YIPF3: variants seen among roughly 807,000 people sequenced by gnomAD.
YIPF3 encodes Yip1 domain family member 3, also known as protein YIPF3.
In YIPF3, 18 loss-of-function variants were observed where a neutral mutation model predicts 40.3. The ratio of observed to expected loss-of-function variants is 0.45; its 90% CI spans 0.31 to 0.66. YIPF3 has a LOEUF of 0.66. Ranked by LOEUF, YIPF3 falls within the 30% of genes least tolerant of loss-of-function variation. The pLI, the probability that YIPF3 is intolerant of heterozygous loss-of-function variation, is 0.07. For synonymous variants in YIPF3, 190 were observed against 179.6 expected (o/e 1.06, Z -0.46); for missense variants, 406 against 452.2 (o/e 0.90, Z 0.93).
In YIPF3 at chr6:43,515,732, T is replaced by C. The variant is rs377187312; in HGVS notation, c.289-31A>G. 3.1e-6 allele frequency: 5 copies of C among 1,612,878 alleles called. No individual in the cohort carries two copies. In the African/African-American group the frequency reaches 4.0e-5, roughly 13 times the overall value. ...GTAAGGAAGATGGGCATAGGTATTG[T>C]GGTACTGTTGGTTCTAGATCCTGTT... On this transcript the variant is annotated intron_variant, in intron 2 of 8. Transcript: ENST00000372422.
chr6:43,512,908 C>G (rs370979769), intron 6 of YIPF3, 34 bp from the exon 7 acceptor site: 4 of 1,605,762 alleles, frequency 2.5e-6, no homozygotes, highest in Non-Finnish European at 3.4e-6. Context: ...GAAAATCATT[C>G]AGGTTGGGCT....
chr6:43,513,989 C>G (rs1003950965), intron 3 of YIPF3, among the ~76,000 whole-genome samples: 1 of 152,168 alleles, frequency 6.6e-6, no homozygotes, highest in African/African-American at 2.4e-5. Context: ...CGCCTGTAAT[C>G]CCAGCACTTT....
chr6:43,513,254 C>G (rs1792708333), intron 5 of YIPF3, 54 bp from the exon 6 acceptor site: 1 of 1,613,330 alleles, frequency 6.2e-7, no homozygotes, highest in Non-Finnish European at 8.5e-7. Context: ...TCAGCCTCAC[C>G]TAGGGCCTTC....
rs1415345323 is a variant in YIPF3 at position 43,515,332 on chromosome 6, AC to A, written c.395+262del. 1.1e-5 allele frequency: 6 copies of A among 562,996 alleles called. No individual in the cohort carries two copies. In the African/African-American group the frequency reaches 1.1e-4, roughly 10 times the overall value. The allele number at this position is 562,996 out of a possible 1,614,324, so 34.9% of individuals were successfully genotyped here. A position where few individuals can be genotyped will look rare whatever the true frequency, so the allele number is the denominator to read the frequency against. ...CTATAGGAACACCAGGAGAGAACAAACTGGGGATGGGATTGAGGAATGTGGA... is the reference window on the plus strand; with the variant it reads ...CTATAGGAACACCAGGAGAGAACAAATGGGGATGGGATTGAGGAATGTGGA... On this transcript the variant is annotated intron_variant, in intron 3 of 8. Coordinates refer to ENST00000372422, the MANE Select transcript of YIPF3 (RefSeq NM_015388.4).
chr6:43,516,799 A>G lies in YIPF3; in HGVS notation c.9T>C (p.Thr3=). 1.9e-6 allele frequency: 3 copies of G among 1,577,456 alleles called. No homozygotes were observed. Among genetic ancestry groups the G allele is most frequent in the Non-Finnish European group, 2.6e-6 (3 of 1,161,294 alleles). ...GGGCGCCGCCCGCCGGCGCCGCTGTAGTTGCCATGTCCCTTGAGGGCTCCC... is the reference window on the plus strand; with the variant it reads ...GGGCGCCGCCCGCCGGCGCCGCTGTGGTTGCCATGTCCCTTGAGGGCTCCC... MA[T]TAAPAGGARN... is the part of the protein sequence containing the mutation. Residue 3 remains threonine (T), a synonymous_variant, in exon 1 of 9, where the codon ACT becomes ACC. Transcript: ENST00000372422.
chr6:43,515,074 GCTCCGC>G (rs1270241695), intron 3 of YIPF3: 4 of 332,702 alleles, frequency 1.2e-5, no homozygotes, highest in Non-Finnish European at 2.4e-5. Context: ...CTCACTGCAA[GCTCCGC>G]CTCCGCCTCC....
intron 1 of YIPF3, 143 bp downstream of exon 1, chr6:43,516,584 A>G: frequency 1.0e-6 from 1 of 984,244 alleles, no homozygotes; most frequent in Non-Finnish European, 1.5e-6. Flanking sequence ...TGTTAATCCC[A>G]CTGACTTTAG....
In YIPF3 at chr6:43,514,958, G is replaced by A. The variant is rs553138896; in HGVS notation, c.395+637C>T. Among the ~76,000 whole-genome samples, 6 of 152,116 alleles carry A rather than the reference G, an allele frequency of 3.9e-5. No individual in the cohort carries two copies. In the South Asian group the frequency reaches 1.2e-3, roughly 32 times the overall value. ...TCCAGGAATAAGAAAGGATAGCAGT[G>A]GTGAAGTGCTGTCTATTAGAGGCAA... is the stretch of plus-strand genomic sequence containing the variant. On this transcript the variant is annotated intron_variant, in intron 3 of 8. Coordinates refer to ENST00000372422, the MANE Select transcript of YIPF3 (RefSeq NM_015388.4).
In YIPF3 at chr6:43,512,778, G is replaced by A; in HGVS notation, c.763C>T (p.Leu255=). ...CAGCTTACCATGCGCAGTGTGGACA[G>A]TCCACCCACCAACAGCCAGAAGAGG... ...FYLFWLLVGG[L]STLRMVAVLV... Residue 255 remains leucine (L), a synonymous_variant, in exon 7 of 9, where the codon CTG becomes TTG. Coordinates refer to ENST00000372422, the MANE Select transcript of YIPF3 (RefSeq NM_015388.4). The A allele has an allele frequency of 6.2e-7, 1 of 1,613,786 alleles. No individual in the cohort carries two copies. The highest frequency in any genetic ancestry group is 8.5e-7 in the Non-Finnish European group (1 of 1,179,946).
At chr6:43,513,492 G>A in intron 4 of YIPF3, 41 bp from the exon 5 acceptor site, 2 of 1,613,412 alleles carry the variant, frequency 1.2e-6, no homozygotes, top group Middle Eastern at 1.6e-4. Context: ...GGGTACAACA[G>A]CTCATCTGTT....
chr6:43,512,406 C>T (rs374455952), intron 8 of YIPF3, 34 bp downstream of exon 8: 4 of 1,614,206 alleles, frequency 2.5e-6, no homozygotes, highest in African/African-American at 2.7e-5. Flanking sequence ...GCTGCTTTCC[C>T]ATTCTCCCCC....
In YIPF3 at chr6:43,512,380, C is replaced by A. The variant is rs2127682932; in HGVS notation, c.904+60G>T. ...CCAGCCCACCAGCCATCATATCTAG[C>A]TTCTTGCTCTAGGCAGCTGCTTTCC... On this transcript the variant is annotated intron_variant, in intron 8 of 8. Transcript: ENST00000372422. 4 of 1,614,108 alleles carry A rather than the reference C, an allele frequency of 2.5e-6. No homozygotes were observed. In the South Asian group the frequency reaches 4.4e-5, roughly 18 times the overall value.
At position 43,512,432 on chromosome 6, in the gene YIPF3, C is replaced by T; in HGVS notation, c.904+8G>A. ...ATTCTCCCCCACCCAGACCTTCCTG[C>T]CACTTACCCTCTACCACTTTGTGGT... On this transcript the variant is annotated splice_region_variant and intron_variant, in intron 8 of 8. Coordinates refer to ENST00000372422, the MANE Select transcript of YIPF3 (RefSeq NM_015388.4). The T allele has an allele frequency of 6.2e-7, 1 of 1,614,170 alleles. No individual in the cohort carries two copies. Among genetic ancestry groups the T allele is most frequent in the Admixed American group, 1.7e-5 (1 of 60,024 alleles).
intron 3 of YIPF3, chr6:43,515,152 G>A (rs989406143): frequency 2.6e-6 from 1 of 388,866 alleles, no homozygotes; most frequent in Non-Finnish European, 5.1e-6. Flanking sequence ...GCACCCGCCT[G>A]TCTAATTTTT....
At chr6:43,512,907 T>A in intron 6 of YIPF3, 33 bp from the exon 7 acceptor site, 3 of 1,607,136 alleles carry the variant, frequency 1.9e-6, no homozygotes, top group Non-Finnish European at 2.6e-6. Context: ...GGAAAATCAT[T>A]CAGGTTGGGC....
intron 5 of YIPF3, 24 bp downstream of exon 5, chr6:43,513,335 C>G (rs767369688): frequency 3.1e-6 from 5 of 1,614,044 alleles, no homozygotes; most frequent in East Asian, 4.5e-5. Context: ...CAGCCACCCC[C>G]CCAAAGTTGT....
At position 43,516,921 on chromosome 6, in the gene YIPF3, G is replaced by C. The variant is rs1398700912; in HGVS notation, c.-114C>G. The C allele has an allele frequency of 3.0e-6, 4 of 1,314,998 alleles. No individual in the cohort carries two copies. The African/African-American group carries it at 5.9e-5, about 19-fold the overall frequency. 81.5% of individuals were successfully genotyped at this position (1,314,998 alleles called of 1,614,324 possible). A position where few individuals can be genotyped will look rare whatever the true frequency, so the allele number is the denominator to read the frequency against. On this transcript the variant is annotated 5_prime_UTR_variant, in exon 1 of 9. Coordinates refer to ENST00000372422, the MANE Select transcript of YIPF3 (RefSeq NM_015388.4). ...GGTCGAGGAGAGGTGGGATCGGCCG[G>C]AACACAAAAAGGAGAAGCCCGGATG...
Position 43,512,056 on chromosome 6 carries a change from G to C in YIPF3, c.*111C>G, listed in dbSNP as rs1049115190. The C allele has an allele frequency of 6.6e-7, 1 of 1,514,176 alleles. No individual in the cohort carries two copies. Among genetic ancestry groups the C allele is most frequent in the Admixed American group, 1.9e-5 (1 of 53,314 alleles). The allele number at this position is 1,514,176 out of a possible 1,614,324, so 93.8% of individuals were successfully genotyped here. On this transcript the variant is annotated 3_prime_UTR_variant, in exon 9 of 9. Transcript: ENST00000372422. ...GAGGTACTTACGCAGCTACAGCTCA[G>C]TGGCAGCTGCAAACCCCATCTACGA...
At chr6:43,515,113 C>T (rs929153511) in intron 3 of YIPF3, 2 of 356,882 alleles carry the variant, frequency 5.6e-6, no homozygotes, top group Non-Finnish European at 1.1e-5. Flanking sequence ...ATTCTCCTGC[C>T]TCAGCCTCCC....
Sources: allele counts gnomAD v4.1 joint callset (sites outside exome capture counted in the v4.1 genomes callset), GRCh38; gene constraint gnomAD v4.1.1; transcripts MANE v1.5; gene names NCBI Gene and HGNC (gene_info 2026-07-23, HGNC 2026-07-21).